Variants in RAPGEF4 observed in about 807,000 individuals in gnomAD.
RAPGEF4 encodes the protein Rap guanine nucleotide exchange factor 4, also known as RAP guanine-nucleotide-exchange factor (GEF) 4.
RAPGEF4 carries 66 observed loss-of-function variants against 147.9 expected under a neutral mutation model. The observed-to-expected ratio is 0.45, with a 90% CI of 0.37 to 0.55. The LOEUF is 0.55. Ranked by LOEUF, RAPGEF4 falls within the 20% of genes least tolerant of loss-of-function variation. The pLI is 0.00. For missense variants in RAPGEF4, 1,071 were observed against 1,257.3 expected (o/e 0.85, Z 2.24); for synonymous variants, 419 against 442.7 (o/e 0.95, Z 0.67).
At chr2:172,922,183 T>G in intron 5 of RAPGEF4, 98 bp from the exon 6 acceptor site, 1 of 1,158,422 alleles carries the variant, frequency 8.6e-7, no homozygotes, top group Non-Finnish European at 1.3e-6. Context: ...TTGAAAACAC[T>G]GAAATTTTAC....
At chr2:173,026,551 T>C (rs1696681811) in intron 23 of RAPGEF4, 21 bp from the exon 24 acceptor site, 2 of 1,609,360 alleles carry the variant, frequency 1.2e-6, no homozygotes, top group Admixed American at 1.7e-5. Flanking sequence ...TTCTGATATG[T>C]TTTTGCATTA....
At chr2:173,013,330 G>A (rs1489765523) in intron 17 of RAPGEF4, among the ~76,000 whole-genome samples, 1 of 152,166 alleles carries the variant, frequency 6.6e-6, no homozygotes, top group African/African-American at 2.4e-5. Flanking sequence ...GGCATCAGGA[G>A]TCTTGCATTC....
chr2:172,921,614 A>C (rs1053100788), intron 5 of RAPGEF4, among the ~76,000 whole-genome samples: 2 of 152,186 alleles, frequency 1.3e-5, no homozygotes, highest in Non-Finnish European at 2.9e-5. Context: ...CACCCTTACC[A>C]GGGGAGAAGC....
intron 6 of RAPGEF4, among the ~76,000 whole-genome samples, chr2:172,947,835 T>C (rs1687829585): frequency 1.3e-5 from 2 of 152,064 alleles, no homozygotes. Flanking sequence ...AGAATATACA[T>C]GTAAAAAAAA....
At chr2:172,809,925 T>A (rs1008593669) in intron 3 of RAPGEF4, among the ~76,000 whole-genome samples, 1 of 152,176 alleles carries the variant, frequency 6.6e-6, no homozygotes, top group Non-Finnish European at 1.5e-5. Flanking sequence ...ATCAAGTGGA[T>A]CTCAATATTG....
intron 3 of RAPGEF4, among the ~76,000 whole-genome samples, chr2:172,802,377 A>G (rs1687067927): frequency 1.3e-5 from 2 of 152,210 alleles, no homozygotes; most frequent in African/African-American, 2.4e-5. Context: ...AGCAAGTCAC[A>G]TCTTACATGG....
At chr2:173,031,316 A>G (rs1005046836) in intron 26 of RAPGEF4, among the ~76,000 whole-genome samples, 2 of 152,180 alleles carry the variant, frequency 1.3e-5, no homozygotes, top group Non-Finnish European at 2.9e-5. Context: ...CCTGCGTGCC[A>G]TGCAGCTATA....
intron 3 of RAPGEF4, among the ~76,000 whole-genome samples, chr2:172,804,874 G>A (rs886447157): frequency 3.3e-5 from 5 of 152,220 alleles, no homozygotes; most frequent in Non-Finnish European, 7.3e-5. Flanking sequence ...CTCTTAGGAA[G>A]GGAGGATGGA....
intron 4 of RAPGEF4, among the ~76,000 whole-genome samples, chr2:172,879,921 G>T (rs1696411962): frequency 6.6e-6 from 1 of 152,198 alleles, no homozygotes; most frequent in Non-Finnish European, 1.5e-5. Context: ...GGAAACCAAA[G>T]GTGGGTGGTA....
intron 1 of RAPGEF4, among the ~76,000 whole-genome samples, chr2:172,786,101 C>T (rs1175415209): frequency 1.3e-5 from 2 of 152,152 alleles, no homozygotes; most frequent in Admixed American, 1.3e-4. Flanking sequence ...CAGGAACTGG[C>T]TAATTAGTTC....
chr2:172,962,579 T>C (rs1266067835), intron 8 of RAPGEF4, among the ~76,000 whole-genome samples: 1 of 152,054 alleles, frequency 6.6e-6, no homozygotes, highest in Non-Finnish European at 1.5e-5. Context: ...GATTATTTTT[T>C]CTATACTCCA....
chr2:172,776,228 G>C (rs1294612603), intron 1 of RAPGEF4, among the ~76,000 whole-genome samples: 1 of 152,192 alleles, frequency 6.6e-6, no homozygotes, highest in Non-Finnish European at 1.5e-5. Context: ...GCTCAGGGAG[G>C]TTAAGCAACT....
chr2:172,888,650 CT>C (rs1489871762), intron 4 of RAPGEF4, among the ~76,000 whole-genome samples: 1 of 152,146 alleles, frequency 6.6e-6, no homozygotes, highest in East Asian at 1.9e-4. Context: ...CTGTCTTTAC[CT>C]TCTATGAAAA....
intron 5 of RAPGEF4, among the ~76,000 whole-genome samples, chr2:172,921,135 G>T (rs1575246283): frequency 6.6e-6 from 1 of 150,660 alleles, no homozygotes; most frequent in East Asian, 1.9e-4. Context: ...TTTTTTTTTA[G>T]TCAGGGTCTC....
In RAPGEF4 at chr2:173,026,298, A is replaced by G. The variant is rs929589179; in HGVS notation, c.2254-274A>G. The stretch of plus-strand genomic sequence containing the variant: ...GACCTCCCAGGCCTGAGTGTGAGAG[A>G]AGAGAACCTCTGCAGGTCACTCTTC... On this transcript the variant is annotated intron_variant, in intron 23 of 30. Transcript: ENST00000397081. Among the ~76,000 whole-genome samples, 4 of 152,194 alleles carry G rather than the reference A, an allele frequency of 2.6e-5. No homozygotes were observed. The East Asian group carries it at 7.7e-4, about 29-fold the overall frequency.
At position 173,030,265 on chromosome 2, in the gene RAPGEF4, G is replaced by T. The variant is rs781697079; in HGVS notation, c.2649+11G>T. On this transcript the variant is annotated intron_variant, in intron 26 of 30. Transcript: ENST00000397081. ...GCACTAACGTGGGAGGTAAGCTTCA[G>T]CTAGGATCCAGCTGTGACTTTTGCC... The T allele has an allele frequency of 7.5e-6, 12 of 1,597,648 alleles. No homozygotes were observed. Among genetic ancestry groups the T allele is most frequent in the Non-Finnish European group, 1.0e-5 (12 of 1,165,262 alleles).
rs574900176 is a variant in RAPGEF4, at chr2:172,746,269, C to T, written c.65+10221C>T. ...ACCTTTATATTCCATTGCTTTATTT[C>T]ATTTCATGTATAATTTGGTAGCCAA... On this transcript the variant is annotated intron_variant, in intron 1 of 30. Transcript: ENST00000397081. Among the ~76,000 whole-genome samples, 59 of 152,234 alleles carry T rather than the reference C, an allele frequency of 3.9e-4. No individual in the cohort carries two copies. The Middle Eastern group carries it at 0.01, about 26-fold the overall frequency.
intron 1 of RAPGEF4, among the ~76,000 whole-genome samples, chr2:172,746,513 C>T (rs765128433): frequency 9.9e-5 from 15 of 152,112 alleles, no homozygotes; most frequent in South Asian, 2.1e-4. Context: ...AATGCTTATC[C>T]GTGAGTGAAA....
intron 1 of RAPGEF4, among the ~76,000 whole-genome samples, chr2:172,759,792 A>G (rs1696119743): frequency 6.6e-6 from 1 of 152,254 alleles, no homozygotes; most frequent in Non-Finnish European, 1.5e-5. Flanking sequence ...AGACAACTAT[A>G]GATTTCTCAT....
Sources: allele counts gnomAD v4.1 joint callset (sites outside exome capture counted in the v4.1 genomes callset), GRCh38; gene constraint gnomAD v4.1.1; transcripts MANE v1.5; gene names NCBI Gene and HGNC (gene_info 2026-07-23, HGNC 2026-07-21).